Variants in SYCP2L observed in about 807,000 individuals in gnomAD.
The protein encoded by SYCP2L is synaptonemal complex protein 2-like.
Under a neutral mutation model 125.8 loss-of-function variants are expected in SYCP2L, and 98 were observed. The observed-to-expected ratio is 0.78, with a 90% confidence interval of 0.66 to 0.92. The LOEUF is 0.92. SYCP2L is among the 40% of genes least tolerant of loss of function. The pLI is 0.00. For synonymous variants in SYCP2L, 317 were observed against 325.4 expected (o/e 0.97, Z 0.28); for missense variants, 842 against 936.4 (o/e 0.90, Z 1.32).
chr6:10,912,973 T>C lies in SYCP2L; in HGVS notation c.1072+46T>C, dbSNP rs1361344663. 1 of 1,562,030 alleles carries C rather than the reference T, an allele frequency of 6.4e-7. No homozygotes were observed. Among genetic ancestry groups the C allele is most frequent in the Admixed American group, 1.7e-5 (1 of 58,868 alleles). Reference sequence around the variant, plus strand: ...AACCCACGTCCAGTTCCAAATATTATTTCTGTTGTATATGCAGTGTGTATT... The same window carrying C: ...AACCCACGTCCAGTTCCAAATATTACTTCTGTTGTATATGCAGTGTGTATT... On this transcript the variant is annotated intron_variant, in intron 14 of 29. Transcript: ENST00000283141. This position sits in a 1 kb window ranked among gnomAD's most constrained non-coding sequence, Gnocchi z 4.1.
chr6:10,972,112 A>G lies in SYCP2L; in HGVS notation c.*38-1840A>G, dbSNP rs1781784607. The stretch of plus-strand genomic sequence containing the variant: ...CTGCAAAATAGTTTATAAACATGCT[A>G]TAACTTATATATTTTTCCCTATAAT... On this transcript the variant is annotated intron_variant, in intron 29 of 29. Transcript: ENST00000283141. Among the ~76,000 whole-genome samples, 3 of 152,362 alleles carry G rather than the reference A, an allele frequency of 2.0e-5. No individual in the cohort carries two copies. In the South Asian group the frequency reaches 6.2e-4, roughly 32 times the overall value.
chr6:10,905,332 GC>G (rs896619675), intron 8 of SYCP2L, among the ~76,000 whole-genome samples: 1 of 149,596 alleles, frequency 6.7e-6, no homozygotes, highest in African/African-American at 2.5e-5. Context: ...CACTCTTGTT[GC>G]CCAGGCTGGA....
chr6:10,941,235 G>A lies in SYCP2L; in HGVS notation c.1814-1224G>A, dbSNP rs145344747. On this transcript the variant is annotated intron_variant, in intron 21 of 29. Coordinates refer to ENST00000283141, the MANE Select transcript of SYCP2L (RefSeq NM_001040274.3). The stretch of plus-strand genomic sequence containing the variant: ...CCTCAGCAATACCATTCAGGACACA[G>A]GCATGGGCAAGGACTTCGTGTCTAA... Among the ~76,000 whole-genome samples, 29 of 152,284 alleles carry A rather than the reference G, an allele frequency of 1.9e-4. 1 individual carries two copies. The East Asian group carries it at 5.2e-3, about 27-fold the overall frequency.
rs562557378 is a variant in SYCP2L at position 10,972,564 on chromosome 6, G to C, written c.*38-1388G>C. On this transcript the variant is annotated intron_variant, in intron 29 of 29. Transcript: ENST00000283141. ...GCTTTACCGTTCTTTTTGTGACTTG[G>C]GAATTTTATAATCACAGCATGGCTG... Among the ~76,000 whole-genome samples, 3 of 152,230 alleles carry C rather than the reference G, an allele frequency of 2.0e-5. No individual in the cohort carries two copies. In the South Asian group the frequency reaches 6.2e-4, roughly 32 times the overall value.
intron 23 of SYCP2L, among the ~76,000 whole-genome samples, chr6:10,947,427 C>G (rs75143000): frequency 0.024 from 3,666 of 152,064 alleles, 152 homozygotes; most frequent in East Asian, 0.2. Flanking sequence ...TATGAAATGT[C>G]TCTCTATTGA....
At chr6:10,971,689 TTTTTG>T (rs940715656) in intron 29 of SYCP2L, among the ~76,000 whole-genome samples, 1 of 116,952 alleles carries the variant, frequency 8.6e-6, no homozygotes, top group Non-Finnish European at 1.9e-5. Flanking sequence ...TATGTTTTTG[TTTTTG>T]TTTTTTTGAG....
chr6:10,920,330 G>C (rs1216429292), intron 14 of SYCP2L, among the ~76,000 whole-genome samples: 2 of 152,292 alleles, frequency 1.3e-5, no homozygotes, highest in African/African-American at 4.8e-5. Context: ...CGATTCTCCT[G>C]CCTCAGCCTC....
intron 29 of SYCP2L, among the ~76,000 whole-genome samples, chr6:10,964,878 G>T (rs936979245): frequency 6.6e-6 from 1 of 152,152 alleles, no homozygotes; most frequent in Non-Finnish European, 1.5e-5. Context: ...GAAGAAACTA[G>T]ACTTGTGGTT....
At chr6:10,966,019 A>T (rs1005236174) in intron 29 of SYCP2L, among the ~76,000 whole-genome samples, 1 of 152,186 alleles carries the variant, frequency 6.6e-6, no homozygotes, top group Non-Finnish European at 1.5e-5. Context: ...AGGCTGAGGC[A>T]GGAGAATTGC....
At chr6:10,939,415 C>T (rs966368594) in intron 21 of SYCP2L, among the ~76,000 whole-genome samples, 1 of 152,044 alleles carries the variant, frequency 6.6e-6, no homozygotes, top group Admixed American at 6.6e-5. Flanking sequence ...CCTAAATAGC[C>T]AAAGCAATCT....
At chr6:10,972,546 C>T (rs1232606822) in intron 29 of SYCP2L, among the ~76,000 whole-genome samples, 4 of 152,248 alleles carry the variant, frequency 2.6e-5, no homozygotes, top group South Asian at 2.1e-4. Context: ...TTTGCTTTAC[C>T]GTTCTTTTTG....
chr6:10,934,550 C>T (rs955719572), intron 20 of SYCP2L, among the ~76,000 whole-genome samples: 10 of 152,158 alleles, frequency 6.6e-5, no homozygotes, highest in South Asian at 2.1e-4. Context: ...TGTGGTGGCG[C>T]GTGCCTATGA....
chr6:10,959,033 C>T (rs1281857078), intron 26 of SYCP2L, among the ~76,000 whole-genome samples, 158 bp downstream of exon 26: 1 of 152,138 alleles, frequency 6.6e-6, no homozygotes, highest in Non-Finnish European at 1.5e-5. Context: ...GTTCTTCATT[C>T]ATATGAAAAG....
chr6:10,949,977 C>T (rs1781382125), intron 23 of SYCP2L, among the ~76,000 whole-genome samples: 2 of 151,932 alleles, frequency 1.3e-5, no homozygotes, highest in African/African-American at 2.4e-5. Flanking sequence ...ATCATTTTCC[C>T]CCTTTTCCTA....
At chr6:10,906,661 G>A (rs149345884) in intron 9 of SYCP2L, among the ~76,000 whole-genome samples, 6 of 151,022 alleles carry the variant, frequency 4.0e-5, no homozygotes, top group Middle Eastern at 3.4e-3. Context: ...GCAATGGCGC[G>A]ATCTCGGCTC....
intron 29 of SYCP2L, among the ~76,000 whole-genome samples, chr6:10,970,206 C>T (rs760747735): frequency 2.1e-4 from 32 of 152,246 alleles, no homozygotes; most frequent in Non-Finnish European, 3.1e-4. Flanking sequence ...GAGCCAGCAG[C>T]AGGGAAGACT....
intron 14 of SYCP2L, among the ~76,000 whole-genome samples, chr6:10,919,851 T>TG (rs1486112778): frequency 6.6e-6 from 1 of 151,864 alleles, no homozygotes; most frequent in East Asian, 1.9e-4. Context: ...GTCAGGGAAA[T>TG]GGGGAAAAGT....
At chr6:10,928,164 A>G (rs1780930807) in intron 17 of SYCP2L, among the ~76,000 whole-genome samples, 1 of 151,940 alleles carries the variant, frequency 6.6e-6, no homozygotes, top group South Asian at 2.1e-4. Context: ...TCCTCAGCTG[A>G]CAGGATTAAG....
intron 21 of SYCP2L, among the ~76,000 whole-genome samples, chr6:10,936,151 G>A (rs1304766945): frequency 2.0e-5 from 3 of 151,622 alleles, no homozygotes; most frequent in Non-Finnish European, 4.4e-5. Flanking sequence ...AGCTGCCACT[G>A]GAAGAAAATA....
Sources: gnomAD v4.1 joint callset for allele counts (sites outside exome capture counted in the v4.1 genomes callset) on GRCh38, gnomAD v4.1.1 for gene constraint, Gnocchi (gnomAD v3.1) non-coding constraint, MANE v1.5 for transcripts, NCBI Gene and HGNC (gene_info 2026-07-23, HGNC 2026-07-21) for gene names.